Variants in PLA2G6 observed in about 807,000 individuals in gnomAD.
The protein encoded by PLA2G6 is 85/88 kDa calcium-independent phospholipase A2.
In PLA2G6, 62 loss-of-function variants were observed where a neutral mutation model predicts 83.8. The observed-to-expected ratio is 0.74, with a 90% CI of 0.60 to 0.91. The LOEUF (loss-of-function observed/expected upper bound fraction) is 0.91. Among genes scored for constraint, PLA2G6 ranks in the 40% least tolerant of loss-of-function variants. The pLI is 0.00. For synonymous variants in PLA2G6, 417 were observed against 449.8 expected, an observed-to-expected ratio of 0.93 and a Z score of 0.92; for missense variants, 944 against 1,102.0, an observed-to-expected ratio of 0.86 and a Z score of 2.03.
rs112239916 is a variant in PLA2G6 at position 38,132,793 on chromosome 22, G to A, written c.1077+38C>T. 76 of 1,524,582 alleles carry A rather than the reference G, an allele frequency of 5.0e-5. No individual in the cohort carries two copies. The African/African-American group carries it at 8.1e-4, about 16-fold the overall frequency. 94.4% of individuals were successfully genotyped at this position (1,524,582 alleles called of 1,614,324 possible). On this transcript the variant is annotated intron_variant, in intron 7 of 16. Coordinates refer to ENST00000332509, the MANE Select transcript of PLA2G6 (RefSeq NM_003560.4). This position sits in a 1 kb window ranked among gnomAD's most constrained non-coding sequence, Gnocchi z 5.0. The stretch of plus-strand genomic sequence containing the variant: ...CGGACAGCCCTCCTGCATTCCCACC[G>A]GGGCCCCACAGGGCAGGACACGCGG...
intron 15 of PLA2G6, 42 bp from the exon 16 acceptor site, chr22:38,112,619 G>A (rs1434532720): frequency 2.1e-5 from 31 of 1,498,586 alleles, no homozygotes; most frequent in South Asian, 2.4e-5. Flanking sequence ...CCCACACCCC[G>A]CCCGGCCCGC....
intron 2 of PLA2G6, 35 bp from the exon 3 acceptor site, chr22:38,145,688 T>C (rs368333521): frequency 6.8e-7 from 1 of 1,479,296 alleles, no homozygotes; most frequent in Admixed American, 1.8e-5. Context: ...AGACCCGAAA[T>C]GAGTAAGGCG....
Position 38,120,909 on chromosome 22 carries a change from C to T in PLA2G6, c.1592G>A (p.Ser531Asn). 1.4e-5 allele frequency: 22 copies of T among 1,613,454 alleles called. No homozygotes were observed. Among genetic ancestry groups the T allele is most frequent in the Non-Finnish European group, 1.9e-5 (22 of 1,180,032 alleles). Residue 531 changes from serine to asparagine, a missense_variant and splice_region_variant, in exon 12 of 17, where the codon AGT becomes AAT. Coordinates refer to ENST00000332509, the MANE Select transcript of PLA2G6 (RefSeq NM_003560.4). ...GCCGCGCATGTAGGCCATGGACTTA[C>T]CTAGGAACAAAGGGGTCAGAGGCGG... is the stretch of plus-strand genomic sequence containing the variant. The part of the protein sequence containing the change: ...GGILALAILH[S>N]KSMAYMRGMY...
chr22:38,122,803 G>A (rs996246852), intron 11 of PLA2G6, among the ~76,000 whole-genome samples: 3 of 152,168 alleles, frequency 2.0e-5, no homozygotes, highest in Non-Finnish European at 4.4e-5. Context: ...GTGAGGGGAG[G>A]AGGGGTTAAG....
chr22:38,118,657 T>C lies in PLA2G6; in HGVS notation c.1742+2102A>G, dbSNP rs1432474753. On this transcript the variant is annotated intron_variant, in intron 12 of 16. Transcript: ENST00000332509. ...TCTTTTTACTCCCTTTATGGTGTTT[T>C]TGTTTTATTTATTTATTTGGATGGA... is the stretch of plus-strand genomic sequence containing the variant. 2.0e-5 allele frequency among the ~76,000 whole-genome samples: 3 copies of C among 152,200 alleles called. No homozygotes were observed. The East Asian group carries it at 5.8e-4, about 29-fold the overall frequency.
At chr22:38,140,241 C>T (rs1216296425) in intron 4 of PLA2G6, 72 bp from the exon 5 acceptor site, 2 of 1,417,788 alleles carry the variant, frequency 1.4e-6, no homozygotes, top group Non-Finnish European at 2.0e-6. Flanking sequence ...GGCGCAGTGG[C>T]TCATGCCTGT....
At position 38,112,005 on chromosome 22, in the gene PLA2G6, C is replaced by T; in HGVS notation, c.*156G>A. On this transcript the variant is annotated 3_prime_UTR_variant, in exon 17 of 17. Coordinates refer to ENST00000332509, the MANE Select transcript of PLA2G6 (RefSeq NM_003560.4). The stretch of plus-strand genomic sequence containing the variant: ...GTTAGTGGGAGACAGGCCTTCAGGA[C>T]CAGCCTCGGGCAGGCAGCTTGGCAT... 1.2e-6 allele frequency: 1 copy of T among 839,062 alleles called. No homozygotes were observed. Among genetic ancestry groups the T allele is most frequent in the Non-Finnish European group, 1.9e-6 (1 of 519,988 alleles). 52.0% of individuals were successfully genotyped at this position (839,062 alleles called of 1,614,324 possible).
intron 7 of PLA2G6, chr22:38,131,118 C>T (rs906753830): frequency 6.6e-6 from 1 of 152,228 alleles, no homozygotes; most frequent in Admixed American, 6.5e-5. Context: ...CAAAGTCTAT[C>T]AGCAGTTCTT....
intron 7 of PLA2G6, 42 bp from the exon 8 acceptor site, chr22:38,129,604 G>C (rs764653387): frequency 2.0e-6 from 3 of 1,505,276 alleles, no homozygotes; most frequent in Non-Finnish European, 2.8e-6. Context: ...AACTGCCGGG[G>C]AAGTGAAGAA....
At chr22:38,126,007 G>T (rs1355067377) in intron 10 of PLA2G6, among the ~76,000 whole-genome samples, 1 of 152,186 alleles carries the variant, frequency 6.6e-6, no homozygotes, top group Non-Finnish European at 1.5e-5. Flanking sequence ...AGGTGGTTAA[G>T]GAAGCCAGTA....
intron 9 of PLA2G6, 93 bp from the exon 10 acceptor site, chr22:38,126,542 G>C (rs11570707): frequency 4.4e-6 from 4 of 900,494 alleles, no homozygotes; most frequent in Admixed American, 1.8e-5. Context: ...GCTGTGCCTC[G>C]CCCACGGCCA....
At position 38,111,980 on chromosome 22, in the gene PLA2G6, G is replaced by A; in HGVS notation, c.*181C>T. The A allele has an allele frequency of 1.5e-6, 1 of 672,556 alleles. No homozygotes were observed. The highest frequency in any genetic ancestry group is 2.6e-6 in the Non-Finnish European group (1 of 383,948). The allele number at this position is 672,556 out of a possible 1,614,324, so 41.7% of individuals were successfully genotyped here. Reference sequence around the variant, plus strand: ...ATGACAGAAAGTGCTGGAAGGCGGGGTTAGTGGGAGACAGGCCTTCAGGAC... The same window carrying A: ...ATGACAGAAAGTGCTGGAAGGCGGGATTAGTGGGAGACAGGCCTTCAGGAC... On this transcript the variant is annotated 3_prime_UTR_variant, in exon 17 of 17. Coordinates refer to ENST00000332509, the MANE Select transcript of PLA2G6 (RefSeq NM_003560.4).
intron 2 of PLA2G6, among the ~76,000 whole-genome samples, chr22:38,156,589 G>C (rs2089789767): frequency 6.6e-6 from 1 of 152,006 alleles, no homozygotes; most frequent in South Asian, 2.1e-4. Context: ...GAGTAGCTGG[G>C]ACTACAGGCA....
At chr22:38,171,201 C>G (rs1287670080) in intron 1 of PLA2G6, among the ~76,000 whole-genome samples, 2 of 150,416 alleles carry the variant, frequency 1.3e-5, no homozygotes, top group Admixed American at 6.6e-5. Flanking sequence ...ATCATAACAA[C>G]TGAAGAAAAG....
At chr22:38,125,621 T>A in intron 10 of PLA2G6, 1 of 467,330 alleles carries the variant, frequency 2.1e-6, no homozygotes, top group East Asian at 7.0e-5. Context: ...GGCTGTGAGT[T>A]GCCACCCTGA....
At chr22:38,116,284 C>T (rs1416305898) in intron 12 of PLA2G6, 73 bp from the exon 13 acceptor site, 2 of 1,545,102 alleles carry the variant, frequency 1.3e-6, no homozygotes, top group Non-Finnish European at 1.8e-6. Context: ...ACAATTCACA[C>T]CCCAGGGCCT....
intron 9 of PLA2G6, 92 bp from the exon 10 acceptor site, chr22:38,126,541 C>T (rs2087871418): frequency 6.7e-6 from 6 of 900,954 alleles, no homozygotes; most frequent in East Asian, 2.5e-5. Context: ...GGCTGTGCCT[C>T]GCCCACGGCC....
chr22:38,161,471 G>C (rs1371101198), intron 2 of PLA2G6, among the ~76,000 whole-genome samples: 1 of 152,132 alleles, frequency 6.6e-6, no homozygotes, highest in Non-Finnish European at 1.5e-5. Context: ...TCACACGAGG[G>C]ATTGGGGCTT....
chr22:38,164,531 G>A (rs1209027197), intron 2 of PLA2G6, among the ~76,000 whole-genome samples: 1 of 152,188 alleles, frequency 6.6e-6, no homozygotes, highest in African/African-American at 2.4e-5. Flanking sequence ...TGCTGCTGTC[G>A]CTGTCTGTAT....
Sources: allele counts gnomAD v4.1 joint callset (sites outside exome capture counted in the v4.1 genomes callset), GRCh38; gene constraint gnomAD v4.1.1; non-coding constraint Gnocchi (gnomAD v3.1); transcripts MANE v1.5; gene names NCBI Gene and HGNC (gene_info 2026-07-23, HGNC 2026-07-21).